Variants in RIF1 observed in about 807,000 individuals in gnomAD.
RIF1 encodes the protein replication timing regulatory factor 1.
RIF1 carries 45 observed loss-of-function variants against 247.1 expected under a neutral mutation model. That is an observed-to-expected ratio of 0.18 (90% confidence interval 0.14 to 0.23). RIF1 has a LOEUF of 0.23. Among genes scored for constraint, RIF1 ranks in the 10% least tolerant of loss-of-function variants. The pLI, the probability that RIF1 is intolerant of heterozygous loss-of-function variation, is 1.00. For synonymous variants in RIF1, 1,087 were observed against 978.8 expected, an observed-to-expected ratio of 1.11 and a Z score of -2.06; for missense variants, 2,967 against 2,862.5, an observed-to-expected ratio of 1.04 and a Z score of -0.83.
At position 151,451,656 on chromosome 2, in the gene RIF1, T is replaced by C. The variant is rs1232090231; in HGVS notation, c.2295T>C (p.Asp765=). Residue 765 remains aspartate (D), a synonymous_variant, in exon 21 of 36, where the codon GAT becomes GAC. Coordinates refer to ENST00000444746, the MANE Select transcript of RIF1 (RefSeq NM_018151.5). ...RIIYIITVMV[D]CIDFSPYNIK... ...TTTATATTATTACTGTAATGGTTGA[T>C]TGCATTGACTTCTCACCATATAATA... is the stretch of plus-strand genomic sequence containing the variant. The C allele has an allele frequency of 1.1e-5, 16 of 1,479,392 alleles. No individual in the cohort carries two copies. Among genetic ancestry groups the C allele is most frequent in the African/African-American group, 2.8e-5 (2 of 72,124 alleles). 91.6% of individuals were successfully genotyped at this position (1,479,392 alleles called of 1,614,324 possible).
At chr2:151,421,923 C>G (rs1052307930) in intron 7 of RIF1, among the ~76,000 whole-genome samples, 2 of 151,974 alleles carry the variant, frequency 1.3e-5, no homozygotes, top group Non-Finnish European at 2.9e-5. Flanking sequence ...CAGCTTCCAC[C>G]TCCTGGGTTC....
chr2:151,497,908 T>C, intron 10 of RIF1: 5 of 1,475,522 alleles, frequency 3.4e-6, no homozygotes, highest in South Asian at 1.4e-5. Flanking sequence ...AAGCAGGGAC[T>C]TCAGCTGCTG....
intron 11 of RIF1, among the ~76,000 whole-genome samples, chr2:151,500,710 A>T (rs370770040): frequency 6.9e-6 from 1 of 144,822 alleles, no homozygotes; most frequent in Admixed American, 7.4e-5. Context: ...TGAACCTCCC[A>T]CCTCAGCCTC....
chr2:151,477,032 A>G lies in RIF1; in HGVS notation c.*1961A>G, dbSNP rs1275095496. ...GAGTATCATGTACTTAAATCACTGA[A>G]TTTTATATAAGCACAAGTATTAATT... On this transcript the variant is annotated 3_prime_UTR_variant, in exon 36 of 36. Coordinates refer to ENST00000444746, the MANE Select transcript of RIF1 (RefSeq NM_018151.5). 2.6e-5 allele frequency: 4 copies of G among 152,234 alleles called. No individual in the cohort carries two copies. The highest frequency in any genetic ancestry group is 5.9e-5 in the Non-Finnish European group (4 of 68,044). 9.4% of individuals were successfully genotyped at this position (152,234 alleles called of 1,614,324 possible).
chr2:151,530,603 G>A, the RIF1 span: 1 of 162,576 alleles, frequency 6.2e-6, no homozygotes, highest in African/African-American at 2.4e-5. Flanking sequence ...TAAAAAATCA[G>A]TACCTCAGGA....
At chr2:151,526,139 A>C in the RIF1 span, 2 of 1,612,310 alleles carry the variant, frequency 1.2e-6, no homozygotes, top group Non-Finnish European at 1.7e-6. Context: ...AGCAGAACTC[A>C]TGGGCGGCTG....
At chr2:151,432,369 C>T (rs1213308656) in intron 9 of RIF1, among the ~76,000 whole-genome samples, 1 of 152,016 alleles carries the variant, frequency 6.6e-6, no homozygotes, top group African/African-American at 2.4e-5. Flanking sequence ...TTTACATATC[C>T]CCAGTCTTAC....
At chr2:151,410,685 A>G (rs1686005394) in intron 2 of RIF1, among the ~76,000 whole-genome samples, 158 bp downstream of exon 2, 1 of 152,088 alleles carries the variant, frequency 6.6e-6, no homozygotes, top group Non-Finnish European at 1.5e-5. Flanking sequence ...GGGGAGATGT[A>G]TTCTAGGTGA....
chr2:151,485,775 G>A (rs746382045), downstream of RIF1: 5 of 1,610,986 alleles, frequency 3.1e-6, no homozygotes, highest in Middle Eastern at 1.7e-4. Flanking sequence ...TAGCTTCAAC[G>A]TAGTTGGCTG....
the RIF1 span, among the ~76,000 whole-genome samples, chr2:151,533,110 CTACT>C: frequency 6.6e-6 from 1 of 152,202 alleles, no homozygotes; most frequent in Non-Finnish European, 1.5e-5. Flanking sequence ...GCTGTTGAAT[CTACT>C]TACTATCTTC....
chr2:151,442,755 A>C (rs1037656544), intron 16 of RIF1, among the ~76,000 whole-genome samples: 1 of 147,018 alleles, frequency 6.8e-6, no homozygotes, highest in African/African-American at 2.5e-5. Flanking sequence ...TGATTAGACT[A>C]TAAAGAGCTT....
chr2:151,501,863 A>G (rs2064886095), intron 11 of RIF1, among the ~76,000 whole-genome samples: 1 of 152,190 alleles, frequency 6.6e-6, no homozygotes, highest in South Asian at 2.1e-4. Flanking sequence ...GGTTTGGGGG[A>G]ACAAAATAAA....
the RIF1 span, among the ~76,000 whole-genome samples, chr2:151,515,639 C>T: frequency 1.3e-5 from 2 of 152,212 alleles, no homozygotes; most frequent in African/African-American, 4.8e-5. Context: ...AGCTGACTCA[C>T]AGAGGGGCTT....
At chr2:151,533,773 G>A in the RIF1 span, among the ~76,000 whole-genome samples, 1 of 152,218 alleles carries the variant, frequency 6.6e-6, no homozygotes, top group African/African-American at 2.4e-5. Context: ...GATACAGCTA[G>A]TTTCACTTAC....
intron 11 of RIF1, 99 bp from the exon 12 acceptor site, chr2:151,436,726 ACT>A (rs1479224098): frequency 5.9e-6 from 5 of 852,566 alleles, no homozygotes; most frequent in African/African-American, 3.5e-5. Flanking sequence ...AGACATTTAA[ACT>A]CTGTTTTTAA....
chr2:151,430,568 C>T (rs1193105386), intron 9 of RIF1, among the ~76,000 whole-genome samples: 7 of 152,192 alleles, frequency 4.6e-5, no homozygotes, highest in Non-Finnish European at 8.8e-5. Flanking sequence ...GATCTGCCTG[C>T]CTCGGTCTCC....
At chr2:151,507,449 T>G (rs574157563) in intron 13 of RIF1, among the ~76,000 whole-genome samples, 1 of 152,308 alleles carries the variant, frequency 6.6e-6, no homozygotes, top group East Asian at 1.9e-4. Flanking sequence ...TTATCTGACC[T>G]TCATTTAAAG....
At chr2:151,516,423 G>A in the RIF1 span, 1 of 1,404,764 alleles carries the variant, frequency 7.1e-7, no homozygotes, top group Non-Finnish European at 1.0e-6. Flanking sequence ...GTAGTGTGAT[G>A]GATCATTGTT....
rs779536159 is a variant in RIF1, at chr2:151,465,978, C to T, written c.6458C>T (p.Pro2153Leu). 17 of 1,613,924 alleles carry T rather than the reference C, an allele frequency of 1.1e-5. No homozygotes were observed. The South Asian group carries it at 1.8e-4, about 17-fold the overall frequency. ...CCTCAAAAACTAAGGGAACTTGATC[C>T]TTCACTTGTGTCAGCAAATGACAGT... ...ASPQKLRELD[P>L]SLVSANDSPS... Residue 2153 changes from proline (P) to leucine (L), a missense_variant, in exon 30 of 36, where the codon CCT (proline) becomes CTT (leucine). By Grantham distance (98) the Pro-to-Leu change is moderately conservative. Coordinates refer to ENST00000444746, the MANE Select transcript of RIF1 (RefSeq NM_018151.5).
Sources: allele counts gnomAD v4.1 joint callset (sites outside exome capture counted in the v4.1 genomes callset), GRCh38; gene constraint gnomAD v4.1.1; transcripts MANE v1.5; gene names NCBI Gene and HGNC (gene_info 2026-07-23, HGNC 2026-07-21).